Variants in TMIE observed in about 807,000 individuals in gnomAD.
TMIE encodes the protein transmembrane inner ear, also known as transmembrane inner ear expressed protein.
A neutral mutation model predicts 16.8 loss-of-function variants in TMIE; 14 were observed. That is an observed-to-expected ratio of 0.83 (90% CI 0.55 to 1.30). TMIE has a LOEUF of 1.30. TMIE is among the 50% of genes most tolerant of loss of function. The probability of loss-of-function intolerance (pLI) is 0.00; values close to 1 mark genes in which losing one functional copy is unlikely to be tolerated. For synonymous variants in TMIE, 75 were observed against 87.2 expected, an observed-to-expected ratio of 0.86 and a Z score of 0.78; for missense variants, 204 against 205.9, an observed-to-expected ratio of 0.99 and a Z score of 0.06.
Position 46,701,492 on chromosome 3 carries a change from C to CG in TMIE, c.9dup (p.Trp4ValfsTer111). On this transcript the variant is annotated frameshift_variant, in exon 1 of 4. Coordinates refer to ENST00000643606, the MANE Select transcript of TMIE (RefSeq NM_147196.3). LOFTEE classifies it high-confidence loss of function. This position sits in a 1 kb window ranked among gnomAD's most constrained non-coding sequence, Gnocchi z 4.3. The stretch of plus-strand genomic sequence containing the variant: ...AAGCGGCGCGGTGGCACGAAGATGG[C>CG]GGGGTGGCCGGGCGCGGGTCCCCTC... 1 of 1,346,448 alleles carries CG rather than the reference C, an allele frequency of 7.4e-7. No homozygotes were observed. The highest frequency in any genetic ancestry group is 9.5e-7 in the Non-Finnish European group (1 of 1,052,594). The allele number at this position is 1,346,448 out of a possible 1,614,324, so 83.4% of individuals were successfully genotyped here.
chr3:46,702,705 G>A (rs1328915971), intron 1 of TMIE, among the ~76,000 whole-genome samples: 1 of 152,066 alleles, frequency 6.6e-6, no homozygotes, highest in Non-Finnish European at 1.5e-5. Context: ...GTTATGGGGG[G>A]ACACAGCCCT....
chr3:46,703,000 C>T (rs983214199), intron 1 of TMIE, among the ~76,000 whole-genome samples: 1 of 152,172 alleles, frequency 6.6e-6, no homozygotes, highest in African/African-American at 2.4e-5. Context: ...TTCTCCCTCA[C>T]CCCCAGGAAC....
chr3:46,708,977 G>A, intron 2 of TMIE, 149 bp from the exon 3 acceptor site: 2 of 998,512 alleles, frequency 2.0e-6, no homozygotes, highest in Non-Finnish European at 1.5e-6. Flanking sequence ...AGGGTCCACA[G>A]GGGTTTTGTC....
rs1294581862 is a variant in TMIE at position 46,709,153 on chromosome 3, G to C, written c.239G>C (p.Cys80Ser). ...ATCACGCTGTGCTGTGTCTTCAACT[G>C]TCGTGTGCCACGGACCCGGAAGGAG... ...IIITLCCVFN[C>S]RVPRTRKEIE... The change falls in exon 3 of 4, where the codon TGT (cysteine) becomes TCT (serine). Residue 80 changes from cysteine to serine, a missense_variant. Physicochemically the swap from Cys to Ser is moderately radical, Grantham distance 112. Transcript: ENST00000643606. 5 of 1,614,128 alleles carry C rather than the reference G, an allele frequency of 3.1e-6. No homozygotes were observed. The highest frequency in any genetic ancestry group is 1.1e-5 in the South Asian group (1 of 91,080).
chr3:46,702,509 C>G (rs1049562398), intron 1 of TMIE, among the ~76,000 whole-genome samples: 3 of 152,000 alleles, frequency 2.0e-5, no homozygotes, highest in Admixed American at 1.3e-4. Flanking sequence ...ATTGTGAGGC[C>G]AGAGGGAGAA....
At chr3:46,704,992 C>T (rs1700532942) in intron 1 of TMIE, among the ~76,000 whole-genome samples, 1 of 152,166 alleles carries the variant, frequency 6.6e-6, no homozygotes, top group South Asian at 2.1e-4. Context: ...AGACCTGGGG[C>T]TGGGCCATGT....
At chr3:46,708,043 G>A (rs1700574778) in intron 2 of TMIE, among the ~76,000 whole-genome samples, 1 of 152,196 alleles carries the variant, frequency 6.6e-6, no homozygotes, top group Non-Finnish European at 1.5e-5. Context: ...TCCTCCAAGT[G>A]TATGCCTGGA....
chr3:46,707,034 G>T (rs1575469824), intron 2 of TMIE, among the ~76,000 whole-genome samples: 1 of 152,236 alleles, frequency 6.6e-6, no homozygotes. Flanking sequence ...CTGCCCTGCA[G>T]AAAATCCCCG....
upstream of TMIE, among the ~76,000 whole-genome samples, chr3:46,699,940 C>T (rs1047513656): frequency 1.1e-4 from 16 of 152,296 alleles, no homozygotes; most frequent in Non-Finnish European, 1.8e-4. Context: ...ATGCTTTGCT[C>T]AGTGCATTAC....
At chr3:46,707,886 G>A (rs1231388439) in intron 2 of TMIE, among the ~76,000 whole-genome samples, 1 of 152,238 alleles carries the variant, frequency 6.6e-6, no homozygotes, top group Admixed American at 6.5e-5. Context: ...AGCCGGGAGG[G>A]TTAGGATTGG....
At chr3:46,696,256 A>G (rs1289816820) in intron 1 of TMIE, among the ~76,000 whole-genome samples, 3 of 152,208 alleles carry the variant, frequency 2.0e-5, no homozygotes, top group Non-Finnish European at 4.4e-5. Flanking sequence ...CCACAGGGAC[A>G]CAGACCTGCA....
At chr3:46,706,606 G>A (rs1700555825) in intron 2 of TMIE, among the ~76,000 whole-genome samples, 1 of 152,204 alleles carries the variant, frequency 6.6e-6, no homozygotes, top group Admixed American at 6.5e-5. Flanking sequence ...GCAGAGTGGG[G>A]GGGAATGTAG....
chr3:46,701,236 C>A, upstream of TMIE: 1 of 413,686 alleles, frequency 2.4e-6, no homozygotes. This position sits in a 1 kb window ranked among gnomAD's most constrained non-coding sequence, Gnocchi z 4.3. Flanking sequence ...CTCAGTGTCC[C>A]TGGGGATGCG....
chr3:46,698,605 AG>A (rs1700430579), upstream of TMIE, among the ~76,000 whole-genome samples: 1 of 152,246 alleles, frequency 6.6e-6, no homozygotes, highest in Non-Finnish European at 1.5e-5. Context: ...TTTACAGATG[AG>A]GGACTGAAGC....
chr3:46,701,011 C>T (rs1168475503), upstream of TMIE, among the ~76,000 whole-genome samples: 1 of 151,870 alleles, frequency 6.6e-6, no homozygotes, highest in Non-Finnish European at 1.5e-5. This position sits in a 1 kb window ranked among gnomAD's most constrained non-coding sequence, Gnocchi z 4.3. Flanking sequence ...CGCCTGTCAC[C>T]ATGGCAACCT....
upstream of TMIE, among the ~76,000 whole-genome samples, chr3:46,701,040 C>CCA (rs1553631703): frequency 6.6e-6 from 1 of 151,840 alleles, no homozygotes; most frequent in African/African-American, 2.4e-5. This position sits in a 1 kb window ranked among gnomAD's most constrained non-coding sequence, Gnocchi z 4.3. Context: ...TGCCCCCCCC[C>CCA]CAAACTCAAA....
At chr3:46,693,887 C>T (rs1489099633), upstream of TMIE, among the ~76,000 whole-genome samples, 2 of 152,068 alleles carry the variant, frequency 1.3e-5, no homozygotes, top group Non-Finnish European at 2.9e-5. Flanking sequence ...TGGCGTCCCC[C>T]GGGATCCGGA....
chr3:46,701,575 G>A lies in TMIE; in HGVS notation c.88G>A (p.Val30Met). 7.8e-7 allele frequency: 1 copy of A among 1,285,510 alleles called. No homozygotes were observed. The highest frequency in any genetic ancestry group is 9.8e-7 in the Non-Finnish European group (1 of 1,019,718). The allele number at this position is 1,285,510 out of a possible 1,614,324, so 79.6% of individuals were successfully genotyped here. A position where few individuals can be genotyped will look rare whatever the true frequency, so the allele number is the denominator to read the frequency against. ...VCLAGVAGQL[V>M]EPSTAPPKPK... ...CCTCGCGGGGGTTGCCGGGCAGCTG[G>A]TGGAGGTGAGGCCGCGGCACGGAGG... The change falls in exon 1 of 4, where the codon GTG becomes ATG. Residue 30 changes from valine to methionine, a missense_variant. Physicochemically the swap from Val to Met is conservative, Grantham distance 21. Transcript: ENST00000643606. This position sits in a 1 kb window ranked among gnomAD's most constrained non-coding sequence, Gnocchi z 4.3.
At chr3:46,706,582 C>A (rs1199110106) in intron 2 of TMIE, among the ~76,000 whole-genome samples, 1 of 152,120 alleles carries the variant, frequency 6.6e-6, no homozygotes, top group African/African-American at 2.4e-5. Context: ...GACAGAGGTT[C>A]CCACGAGGCA....
Sources: allele counts gnomAD v4.1 joint callset (sites outside exome capture counted in the v4.1 genomes callset), GRCh38; gene constraint gnomAD v4.1.1; non-coding constraint Gnocchi (gnomAD v3.1); transcripts MANE v1.5; gene names NCBI Gene and HGNC (gene_info 2026-07-23, HGNC 2026-07-21).